CRTC1: variants seen among roughly 807,000 people sequenced by gnomAD.
The protein encoded by CRTC1 is CREB regulated transcription coactivator 1.
A neutral mutation model predicts 66.1 loss-of-function variants in CRTC1; 18 were observed. The ratio of observed to expected loss-of-function variants is 0.27; its 90% CI spans 0.19 to 0.40. CRTC1 has a LOEUF of 0.40. CRTC1 is among the 10% of genes least tolerant of loss of function. The pLI is 1.00. For synonymous variants in CRTC1, 416 were observed against 398.8 expected (o/e 1.04, Z -0.51); for missense variants, 669 against 887.9 (o/e 0.75, Z 3.13).
chr19:18,751,066 C>T (rs1307986588), intron 5 of CRTC1, among the ~76,000 whole-genome samples: 4 of 152,174 alleles, frequency 2.6e-5, no homozygotes, highest in Admixed American at 2.6e-4. Flanking sequence ...CATCTATCCC[C>T]ACTCTCCTCG....
chr19:18,753,263 G>T (rs1023490242), intron 5 of CRTC1, among the ~76,000 whole-genome samples: 2 of 149,516 alleles, frequency 1.3e-5, no homozygotes, highest in Non-Finnish European at 3.0e-5. Flanking sequence ...GCGACAGAGC[G>T]AGACTCCGTC....
At chr19:18,698,456 A>T (rs2053048910) in intron 1 of CRTC1, among the ~76,000 whole-genome samples, 1 of 150,708 alleles carries the variant, frequency 6.6e-6, no homozygotes, top group Non-Finnish European at 1.5e-5. Context: ...GCAGGTGCAC[A>T]GTGTGTACTC....
intron 2 of CRTC1, among the ~76,000 whole-genome samples, chr19:18,744,521 C>T (rs898127651): frequency 5.3e-5 from 8 of 152,120 alleles, no homozygotes; most frequent in Admixed American, 3.3e-4. Context: ...CATACACACA[C>T]GTGTGCACGC....
At chr19:18,704,742 A>G (rs1373086796) in intron 1 of CRTC1, among the ~76,000 whole-genome samples, 1 of 152,172 alleles carries the variant, frequency 6.6e-6, no homozygotes, top group Admixed American at 6.5e-5. Flanking sequence ...ACAAATACAC[A>G]TAACGTGTAA....
intron 9 of CRTC1, 45 bp downstream of exon 9, chr19:18,765,573 G>A (rs1395040897): frequency 1.3e-6 from 2 of 1,569,520 alleles, no homozygotes; most frequent in East Asian, 4.5e-5. Context: ...GAAAGGGAAA[G>A]GTGGAGGCCT....
At chr19:18,762,161 C>A (rs2054628322) in intron 8 of CRTC1, among the ~76,000 whole-genome samples, 1 of 152,228 alleles carries the variant, frequency 6.6e-6, no homozygotes, top group African/African-American at 2.4e-5. Context: ...TCACGGCCAC[C>A]AGAGCACATG....
At chr19:18,755,200 G>C (rs934556280) in intron 6 of CRTC1, among the ~76,000 whole-genome samples, 5 of 152,014 alleles carry the variant, frequency 3.3e-5, no homozygotes, top group African/African-American at 1.2e-4. Flanking sequence ...TGTTGGCCAG[G>C]CTGGTCTCAA....
chr19:18,747,025 G>A lies in CRTC1; in HGVS notation c.382-28G>A, dbSNP rs73539909. The A allele has an allele frequency of 1.4e-3, 2,263 of 1,609,208 alleles. 39 individuals carry two copies. In the African/African-American group the frequency reaches 0.028, roughly 20 times the overall value. ...GTTGTTGGAGGCGGGGTCTCAGCCAGTGGCACTGCCCCCTTAACTCACCTC... is the reference window on the plus strand; with the variant it reads ...GTTGTTGGAGGCGGGGTCTCAGCCAATGGCACTGCCCCCTTAACTCACCTC... On this transcript the variant is annotated intron_variant, in intron 3 of 13. Coordinates refer to ENST00000321949, the MANE Select transcript of CRTC1 (RefSeq NM_015321.3).
Position 18,737,759 on chromosome 19 carries a change from T to C in CRTC1, c.127-5151T>C, listed in dbSNP as rs367846988. Reference sequence around the variant, plus strand: ...CTGCTGCTCCTCCTCCTCCTCCTCCTCCTCCTCCCTTTTCCTCCTCCTCAG... The same window carrying C: ...CTGCTGCTCCTCCTCCTCCTCCTCCCCCTCCTCCCTTTTCCTCCTCCTCAG... On this transcript the variant is annotated intron_variant, in intron 1 of 13. Coordinates refer to ENST00000321949, the MANE Select transcript of CRTC1 (RefSeq NM_015321.3). Among the ~76,000 whole-genome samples, 154 of 152,036 alleles carry C rather than the reference T, an allele frequency of 1.0e-3. 1 individual carries two copies. The highest frequency in any genetic ancestry group is 3.5e-3 in the African/African-American group (144 of 41,460).
Position 18,768,415 on chromosome 19 carries a change from T to TC in CRTC1, c.1012-70_1012-69insC, listed in dbSNP as rs2145838832. ...ACCTCGCCTGCTGAGCATGCCAGGCTATGGGGGCCCGAGGGGGCCAGGCGC... is the reference window on the plus strand; with the variant it reads ...ACCTCGCCTGCTGAGCATGCCAGGCTCATGGGGGCCCGAGGGGGCCAGGCGC... On this transcript the variant is annotated intron_variant, in intron 9 of 13. Coordinates refer to ENST00000321949, the MANE Select transcript of CRTC1 (RefSeq NM_015321.3). This position sits in a 1 kb window ranked among gnomAD's most constrained non-coding sequence, Gnocchi z 5.6. 1 of 1,362,302 alleles carries TC rather than the reference T, an allele frequency of 7.3e-7. No individual in the cohort carries two copies. The highest frequency in any genetic ancestry group is 2.4e-5 in the East Asian group (1 of 42,190). 84.4% of individuals were successfully genotyped at this position (1,362,302 alleles called of 1,614,324 possible).
In CRTC1 at chr19:18,768,675, G is replaced by A; in HGVS notation, c.1202G>A (p.Ser401Asn). ...CCCCCTGGTGGCCCCCTGTTGCCCA[G>A]CGCCAGCCTGACTCGTGGGCCACAG... Reference protein sequence around the residue: ...RLPPGGPLLPSASLTRGPQPP... With the variant: ...RLPPGGPLLPNASLTRGPQPP... Residue 401 changes from serine to asparagine, a missense_variant, in exon 10 of 14, where the codon AGC (serine) becomes AAC (asparagine). By Grantham distance (46) the Ser-to-Asn change is conservative. Around this residue, in one of 8 missense-constraint regions of CRTC1, gnomAD observed 241 missense variants for 242.2 expected, o/e 0.99. Transcript: ENST00000321949. This position sits in a 1 kb window ranked among gnomAD's most constrained non-coding sequence, Gnocchi z 5.6. The A allele has an allele frequency of 6.7e-7, 1 of 1,494,874 alleles. No homozygotes were observed. Among genetic ancestry groups the A allele is most frequent in the East Asian group, 2.7e-5 (1 of 36,396 alleles). The allele number at this position is 1,494,874 out of a possible 1,614,324, so 92.6% of individuals were successfully genotyped here.
At chr19:18,707,473 G>T (rs2053292253) in intron 1 of CRTC1, among the ~76,000 whole-genome samples, 2 of 152,142 alleles carry the variant, frequency 1.3e-5, no homozygotes, top group Non-Finnish European at 1.5e-5. Flanking sequence ...TTGTCTTTAT[G>T]TCAGTACCAC....
intron 1 of CRTC1, among the ~76,000 whole-genome samples, chr19:18,742,422 G>A (rs1054357598): frequency 2.6e-5 from 4 of 152,196 alleles, no homozygotes; most frequent in African/African-American, 4.8e-5. Flanking sequence ...GTGGGCTGCC[G>A]TCGGGATCAC....
At chr19:18,751,523 A>C (rs1309860562) in intron 5 of CRTC1, among the ~76,000 whole-genome samples, 1 of 151,932 alleles carries the variant, frequency 6.6e-6, no homozygotes, top group African/African-American at 2.4e-5. Context: ...GTGAAACCCT[A>C]TCTCAAAAGA....
At position 18,781,015 on chromosome 19, in the gene CRTC1, C is replaced by T. The variant is rs564079862; in HGVS notation, c.*3633C>T. On this transcript the variant is annotated 3_prime_UTR_variant, in exon 14 of 14. Transcript: ENST00000321949. ...GAGAGGCTGGTGGAGTAAGGTCCAG[C>T]GGTATTCGGGGGTCCTCTGTCACCT... 2.7e-5 allele frequency: 6 copies of T among 225,888 alleles called. No individual in the cohort carries two copies. The highest frequency in any genetic ancestry group is 6.3e-5 in the East Asian group (1 of 15,782). The allele number at this position is 225,888 out of a possible 1,614,324, so 14.0% of individuals were successfully genotyped here. A position where few individuals can be genotyped will look rare whatever the true frequency, so the allele number is the denominator to read the frequency against.
In CRTC1 at chr19:18,771,284, C is replaced by T. The variant is rs1307588545; in HGVS notation, c.1321-158C>T. 6.6e-6 allele frequency among the ~76,000 whole-genome samples: 1 copy of T among 152,112 alleles called. No homozygotes were observed. Among genetic ancestry groups the T allele is most frequent in the African/African-American group, 2.4e-5 (1 of 41,422 alleles). ...GGTACCCACCTTTCCTGCAGGTGTCCAGGCTCCTCTGCCTACCAGTGGGGT... is the reference window on the plus strand; with the variant it reads ...GGTACCCACCTTTCCTGCAGGTGTCTAGGCTCCTCTGCCTACCAGTGGGGT... On this transcript the variant is annotated intron_variant, in intron 10 of 13. Coordinates refer to ENST00000321949, the MANE Select transcript of CRTC1 (RefSeq NM_015321.3). The surrounding 1 kb of genome is among the most constrained non-coding windows in gnomAD (Gnocchi z 4.6).
chr19:18,771,575 G>A lies in CRTC1; in HGVS notation c.1425+29G>A, dbSNP rs772510771. 29 of 1,554,986 alleles carry A rather than the reference G, an allele frequency of 1.9e-5. No individual in the cohort carries two copies. The South Asian group carries it at 3.3e-4, about 18-fold the overall frequency. ...AGGGGCGCCGCCTCCCCCTTGGCCT[G>A]TGGGCTCCACGCTTGTCTTGTTCAT... is the stretch of plus-strand genomic sequence containing the variant. On this transcript the variant is annotated intron_variant, in intron 11 of 13. Coordinates refer to ENST00000321949, the MANE Select transcript of CRTC1 (RefSeq NM_015321.3). This position sits in a 1 kb window ranked among gnomAD's most constrained non-coding sequence, Gnocchi z 4.6.
At chr19:18,738,576 C>G (rs755376625) in intron 1 of CRTC1, among the ~76,000 whole-genome samples, 1 of 151,908 alleles carries the variant, frequency 6.6e-6, no homozygotes, top group Non-Finnish European at 1.5e-5. Context: ...CTGAGGCAGG[C>G]GGATCACCTG....
chr19:18,777,575 G>A lies in CRTC1; in HGVS notation c.*193G>A, dbSNP rs1270433622. ...CAATCGCGAGGCCGCGAGCCGGGCCGTCCACCCACCCGCCCGCCCAGGGCT... is the reference window on the plus strand; with the variant it reads ...CAATCGCGAGGCCGCGAGCCGGGCCATCCACCCACCCGCCCGCCCAGGGCT... On this transcript the variant is annotated 3_prime_UTR_variant, in exon 14 of 14. Coordinates refer to ENST00000321949, the MANE Select transcript of CRTC1 (RefSeq NM_015321.3). The surrounding 1 kb of genome is among the most constrained non-coding windows in gnomAD (Gnocchi z 5.5). The A allele has an allele frequency of 1.9e-5, 11 of 571,546 alleles. No individual in the cohort carries two copies. The highest frequency in any genetic ancestry group is 1.4e-4 in the Admixed American group (4 of 29,022). 35.4% of individuals were successfully genotyped at this position (571,546 alleles called of 1,614,324 possible).
Sources: gnomAD v4.1 joint callset for allele counts (sites outside exome capture counted in the v4.1 genomes callset) on GRCh38, gnomAD v4.1.1 for gene constraint, gnomAD v4.1.1 regional missense constraint, Gnocchi (gnomAD v3.1) non-coding constraint, MANE v1.5 for transcripts, NCBI Gene and HGNC (gene_info 2026-07-23, HGNC 2026-07-21) for gene names.